Variants in LRP1B observed in about 807,000 individuals in gnomAD.
LRP1B encodes the protein LDL receptor related protein 1B.
A neutral mutation model predicts 556.6 loss-of-function variants in LRP1B; 217 were observed. That is an observed-to-expected ratio of 0.39 (90% CI 0.35 to 0.44). The LOEUF is 0.44. Among genes scored for constraint, LRP1B ranks in the 20% least tolerant of loss-of-function variants. The pLI is 1.00. For missense variants in LRP1B, 5,053 were observed against 5,620.8 expected, an observed-to-expected ratio of 0.90 and a Z score of 3.23; for synonymous variants, 2,047 against 1,865.8, an observed-to-expected ratio of 1.10 and a Z score of -2.50.
At chr2:141,409,946 A>G (rs1310797400) in intron 3 of LRP1B, among the ~76,000 whole-genome samples, 2 of 152,106 alleles carry the variant, frequency 1.3e-5, no homozygotes, top group African/African-American at 4.8e-5. Context: ...GAGATTAGAT[A>G]GATGCACTGA....
At chr2:141,801,163 A>C (rs1032541674) in intron 2 of LRP1B, among the ~76,000 whole-genome samples, 4 of 152,154 alleles carry the variant, frequency 2.6e-5, no homozygotes, top group Non-Finnish European at 5.9e-5. Context: ...ATTATAACCT[A>C]ATATAGTATA....
At chr2:140,955,604 G>A (rs1442117442) in intron 18 of LRP1B, among the ~76,000 whole-genome samples, 1 of 151,704 alleles carries the variant, frequency 6.6e-6, no homozygotes, top group African/African-American at 2.4e-5. Flanking sequence ...ATTTAATATG[G>A]ATTAATGGAC....
At chr2:141,171,705 T>C (rs1486442514) in intron 7 of LRP1B, among the ~76,000 whole-genome samples, 1 of 151,936 alleles carries the variant, frequency 6.6e-6, no homozygotes, top group Admixed American at 6.6e-5. Context: ...GTGACATGGC[T>C]TGAGTCTGAA....
intron 1 of LRP1B, among the ~76,000 whole-genome samples, chr2:142,113,847 G>T (rs1318726763): frequency 6.6e-6 from 1 of 152,042 alleles, no homozygotes; most frequent in African/African-American, 2.4e-5. Context: ...AACCAGAAAT[G>T]GTAACTAAGC....
rs1039229324 is a variant in LRP1B, at chr2:140,786,406, A to T, written c.5360-10168T>A. On this transcript the variant is annotated intron_variant, in intron 32 of 90. Transcript: ENST00000389484. ...TATGTTGGAGCCATTACATTTTTAC[A>T]CTGTACCTACTGCAAATCAGGAACG... is the stretch of plus-strand genomic sequence containing the variant. Among the ~76,000 whole-genome samples the T allele has an allele frequency of 2.6e-5, 4 of 152,302 alleles. No individual in the cohort carries two copies. In the South Asian group the frequency reaches 8.3e-4, roughly 32 times the overall value.
chr2:140,615,810 C>G (rs536291374), intron 41 of LRP1B, among the ~76,000 whole-genome samples: 2 of 151,446 alleles, frequency 1.3e-5, no homozygotes, highest in African/African-American at 4.8e-5. Context: ...ATATTTTGCC[C>G]AAACTGCTAT....
At chr2:141,712,500 T>C (rs942692519) in intron 2 of LRP1B, among the ~76,000 whole-genome samples, 2 of 152,136 alleles carry the variant, frequency 1.3e-5, no homozygotes, top group South Asian at 2.1e-4. Flanking sequence ...CAAGCCACCA[T>C]TGATCTCCCT....
intron 1 of LRP1B, among the ~76,000 whole-genome samples, chr2:141,991,760 A>C (rs1355223537): frequency 6.6e-6 from 1 of 152,066 alleles, no homozygotes; most frequent in African/African-American, 2.4e-5. Flanking sequence ...CAAAGCCTGT[A>C]GTTTTCAACA....
At chr2:141,111,662 AT>A (rs941272107) in intron 7 of LRP1B, among the ~76,000 whole-genome samples, 6 of 152,162 alleles carry the variant, frequency 3.9e-5, no homozygotes, top group African/African-American at 1.2e-4. Context: ...ATCAGCTTGT[AT>A]GTAAAAGCCC....
intron 3 of LRP1B, among the ~76,000 whole-genome samples, chr2:141,387,175 A>C (rs912821639): frequency 1.3e-5 from 2 of 152,014 alleles, no homozygotes; most frequent in Non-Finnish European, 2.9e-5. Context: ...ACACATACTA[A>C]ATTATGTTCA....
intron 2 of LRP1B, among the ~76,000 whole-genome samples, chr2:141,555,785 A>G (rs1371200270): frequency 6.6e-6 from 1 of 151,908 alleles, no homozygotes; most frequent in African/African-American, 2.4e-5. Context: ...TATTTTATAT[A>G]TATTCTACAT....
At chr2:141,979,260 A>C (rs867250754) in intron 1 of LRP1B, among the ~76,000 whole-genome samples, 14 of 152,150 alleles carry the variant, frequency 9.2e-5, no homozygotes, top group Admixed American at 1.3e-4. Context: ...GAAAGCAAAG[A>C]GATAGAAATG....
chr2:140,501,665 G>T (rs778680138), intron 55 of LRP1B, 22 bp downstream of exon 55: 5 of 1,534,774 alleles, frequency 3.3e-6, no homozygotes, highest in Non-Finnish European at 4.4e-6. Flanking sequence ...CGTATGATTT[G>T]CTACTTTTGA....
chr2:141,631,008 C>A (rs956941447), intron 2 of LRP1B, among the ~76,000 whole-genome samples: 1 of 152,088 alleles, frequency 6.6e-6, no homozygotes, highest in African/African-American at 2.4e-5. Context: ...TCTCATGCTG[C>A]TATAAACGAC....
chr2:140,570,314 A>C (rs1681278472), intron 43 of LRP1B, among the ~76,000 whole-genome samples: 1 of 151,500 alleles, frequency 6.6e-6, no homozygotes, highest in Non-Finnish European at 1.5e-5. Context: ...AAAACAAAAG[A>C]CCCCAAAAAT....
intron 7 of LRP1B, among the ~76,000 whole-genome samples, chr2:141,154,065 T>G (rs1000525644): frequency 6.6e-6 from 1 of 151,830 alleles, no homozygotes; most frequent in Non-Finnish European, 1.5e-5. Flanking sequence ...CTATGTTAGA[T>G]ATGAGATGCC....
intron 35 of LRP1B, among the ~76,000 whole-genome samples, chr2:140,725,835 A>T (rs1242590784): frequency 1.3e-5 from 2 of 151,982 alleles, no homozygotes; most frequent in African/African-American, 4.8e-5. Flanking sequence ...ATCTCAATTT[A>T]TCATTTCTCC....
chr2:140,878,576 GGTT>G (rs1161147300), intron 25 of LRP1B, among the ~76,000 whole-genome samples: 13 of 152,028 alleles, frequency 8.6e-5, no homozygotes, highest in Non-Finnish European at 1.9e-4. Flanking sequence ...ATAGACAACA[GGTT>G]GTTATTTGTC....
chr2:141,694,032 G>A (rs1691640964), intron 2 of LRP1B, among the ~76,000 whole-genome samples: 2 of 152,016 alleles, frequency 1.3e-5, no homozygotes, highest in Non-Finnish European at 2.9e-5. Flanking sequence ...AAAAAGAGGG[G>A]AACTTTGAGA....
Sources: gnomAD v4.1 joint callset for allele counts (sites outside exome capture counted in the v4.1 genomes callset) on GRCh38, gnomAD v4.1.1 for gene constraint, MANE v1.5 for transcripts, NCBI Gene and HGNC (gene_info 2026-07-23, HGNC 2026-07-21) for gene names.